The following IARS2 variants were observed in gnomAD, a reference collection of about 807,000 sequenced individuals.
The protein encoded by IARS2 is isoleucyl-tRNA synthetase 2, mitochondrial.
IARS2 carries 56 observed loss-of-function variants against 126.3 expected under a neutral mutation model. The ratio of observed to expected loss-of-function variants is 0.44; its 90% CI spans 0.36 to 0.55. The LOEUF is 0.55. Among genes scored for constraint, IARS2 ranks in the 20% least tolerant of loss-of-function variants. The probability of loss-of-function intolerance (pLI) is 0.00; values close to 1 mark genes in which losing one functional copy is unlikely to be tolerated. For synonymous variants in IARS2, 407 were observed against 441.1 expected (o/e 0.92, Z 0.97); for missense variants, 1,127 against 1,245.9 (o/e 0.90, Z 1.44).
At chr1:220,108,221 C>T (rs911280827) in intron 10 of IARS2, among the ~76,000 whole-genome samples, 1 of 151,770 alleles carries the variant, frequency 6.6e-6, no homozygotes, top group African/African-American at 2.4e-5. Context: ...ACCACTACTC[C>T]TGGCTAATTT....
chr1:220,109,479 A>G (rs1323260418), intron 10 of IARS2, among the ~76,000 whole-genome samples: 3 of 152,326 alleles, frequency 2.0e-5, no homozygotes, highest in Admixed American at 2.0e-4. Context: ...GTGCCACCCA[A>G]AGAAGCAAAG....
In IARS2 at chr1:220,112,318, T is replaced by G. The variant is rs563776427; in HGVS notation, c.1479+1381T>G. Among the ~76,000 whole-genome samples, 2 of 112,818 alleles carry G rather than the reference T, an allele frequency of 1.8e-5. 1 individual carries two copies. The highest frequency in any genetic ancestry group is 5.1e-4 in the East Asian group (2 of 3,894). The allele number at this position is 112,818 out of a possible 152,430, so 74.0% of individuals were successfully genotyped here. A position where few individuals can be genotyped will look rare whatever the true frequency, so the allele number is the denominator to read the frequency against. ...CCCGGCTAATTTTTTGTATTTTTAG[T>G]AGAGACGGGGTTTCACCTTGTTAGC... On this transcript the variant is annotated intron_variant, in intron 11 of 22. Transcript: ENST00000366922.
At position 220,094,201 on chromosome 1, in the gene IARS2, C is replaced by T; in HGVS notation, c.-16C>T. On this transcript the variant is annotated 5_prime_UTR_variant, in exon 1 of 23. Coordinates refer to ENST00000366922, the MANE Select transcript of IARS2 (RefSeq NM_018060.4). Reference sequence around the variant, plus strand: ...GGGCGGGAGCGGAGGACCCCGCTCTCAGGGGTTGCCGGACCATGCGTTGGG... The same window carrying T: ...GGGCGGGAGCGGAGGACCCCGCTCTTAGGGGTTGCCGGACCATGCGTTGGG... The T allele has an allele frequency of 6.5e-7, 1 of 1,545,604 alleles. No homozygotes were observed. Among genetic ancestry groups the T allele is most frequent in the Non-Finnish European group, 8.7e-7 (1 of 1,149,512 alleles).
At chr1:220,130,867 C>T (rs537340724) in intron 14 of IARS2, among the ~76,000 whole-genome samples, 1 of 152,276 alleles carries the variant, frequency 6.6e-6, no homozygotes, top group African/African-American at 2.4e-5. Flanking sequence ...CTGTATGTTC[C>T]TGGTGCCTTT....
chr1:220,101,515 C>T (rs1294680156), intron 3 of IARS2, among the ~76,000 whole-genome samples: 1 of 151,682 alleles, frequency 6.6e-6, no homozygotes, highest in Non-Finnish European at 1.5e-5. Context: ...GCCTGGCCAA[C>T]ATGGCAAAAC....
At chr1:220,123,483 AT>A (rs1290490289) in intron 12 of IARS2, among the ~76,000 whole-genome samples, 1 of 151,676 alleles carries the variant, frequency 6.6e-6, no homozygotes, top group African/African-American at 2.4e-5. Flanking sequence ...TTTATTTATT[AT>A]TTTTTTTGAG....
intron 11 of IARS2, among the ~76,000 whole-genome samples, chr1:220,113,283 A>G (rs1158871201): frequency 1.3e-5 from 2 of 152,216 alleles, no homozygotes; most frequent in Non-Finnish European, 2.9e-5. Context: ...TAAACCAAGT[A>G]TGGTATTAAT....
At chr1:220,144,477 A>G in intron 21 of IARS2, 1 of 482,824 alleles carries the variant, frequency 2.1e-6, no homozygotes, top group South Asian at 2.5e-5. Flanking sequence ...TGTAATTAGC[A>G]AGATTAAGAT....
intron 1 of IARS2, among the ~76,000 whole-genome samples, chr1:220,095,247 C>T (rs1446486528): frequency 6.6e-6 from 1 of 152,124 alleles, no homozygotes; most frequent in Non-Finnish European, 1.5e-5. Flanking sequence ...CCATGTTGGC[C>T]AGGGTGGTCT....
chr1:220,139,273 A>G (rs1283198006), intron 18 of IARS2, 134 bp downstream of exon 18: 5 of 561,090 alleles, frequency 8.9e-6, no homozygotes, highest in Non-Finnish European at 1.5e-5. Flanking sequence ...AAATATGTCC[A>G]GACTTCCCCT....
intron 21 of IARS2, among the ~76,000 whole-genome samples, chr1:220,145,021 A>G (rs537138198): frequency 6.6e-6 from 1 of 152,008 alleles, no homozygotes; most frequent in Admixed American, 6.6e-5. Context: ...CACTATCAGT[A>G]TACATTACTA....
chr1:220,138,461 C>T (rs916713792), intron 17 of IARS2, among the ~76,000 whole-genome samples: 5 of 151,954 alleles, frequency 3.3e-5, no homozygotes, highest in Non-Finnish European at 7.4e-5. Context: ...CAGAGCAAGA[C>T]CTTGTCTCAA....
chr1:220,145,500 T>C lies in IARS2; in HGVS notation c.2752-9T>C, dbSNP rs1657568111. The C allele has an allele frequency of 1.3e-6, 2 of 1,594,712 alleles. No homozygotes were observed. The highest frequency in any genetic ancestry group is 1.7e-6 in the Non-Finnish European group (2 of 1,170,216). On this transcript the variant is annotated splice_polypyrimidine_tract_variant and intron_variant, in intron 21 of 22. Coordinates refer to ENST00000366922, the MANE Select transcript of IARS2 (RefSeq NM_018060.4). ...ACATAAACTGTAACTTTCACATGCT[T>C]CCTTCCAGATGCTGCAGTCTGAAGA...
chr1:220,095,881 C>T (rs1162542109), intron 1 of IARS2, among the ~76,000 whole-genome samples: 1 of 152,150 alleles, frequency 6.6e-6, no homozygotes, highest in African/African-American at 2.4e-5. Flanking sequence ...GTTTAGACTT[C>T]AATCTGAGGT....
chr1:220,094,971 C>T (rs1452026549), intron 1 of IARS2, among the ~76,000 whole-genome samples: 1 of 149,596 alleles, frequency 6.7e-6, no homozygotes, highest in Non-Finnish European at 1.5e-5. Context: ...CCCCCCCGTC[C>T]TTAAAAAAAA....
chr1:220,123,369 GATGGTA>G (rs1419392202), intron 12 of IARS2, among the ~76,000 whole-genome samples: 1 of 152,114 alleles, frequency 6.6e-6, no homozygotes, highest in Non-Finnish European at 1.5e-5. Context: ...CAAAGTACAT[GATGGTA>G]ACATTATACT....
At chr1:220,108,856 CTTTTT>C (rs35836043) in intron 10 of IARS2, among the ~76,000 whole-genome samples, 62 of 68,248 alleles carry the variant, frequency 9.1e-4, no homozygotes, top group African/African-American at 2.4e-3. Context: ...TGTGAATCCT[CTTTTT>C]TTTTTTTTTT....
chr1:220,128,235 G>A (rs1657191621), intron 14 of IARS2, among the ~76,000 whole-genome samples: 1 of 119,648 alleles, frequency 8.4e-6, no homozygotes, highest in African/African-American at 3.2e-5. Context: ...ACAGATTTTG[G>A]TACATATGGG....
chr1:220,114,031 T>G (rs1451821185), intron 11 of IARS2, among the ~76,000 whole-genome samples: 1 of 152,158 alleles, frequency 6.6e-6, no homozygotes. Flanking sequence ...AAATTAGAAA[T>G]TGGTATGAAA....
Sources: allele counts gnomAD v4.1 joint callset (sites outside exome capture counted in the v4.1 genomes callset), GRCh38; gene constraint gnomAD v4.1.1; transcripts MANE v1.5; gene names NCBI Gene and HGNC (gene_info 2026-07-23, HGNC 2026-07-21).